Variants in NANP observed in about 807,000 individuals in gnomAD.
The protein encoded by NANP is N-acetylneuraminic acid phosphatase.
NANP carries 15 observed loss-of-function variants against 16.9 expected under a neutral mutation model. That is an observed-to-expected ratio of 0.89 (90% confidence interval 0.59 to 1.37). The LOEUF is 1.37. NANP is among the 40% of genes most tolerant of loss of function. The pLI is 0.00. For missense variants in NANP, 290 were observed against 303.5 expected (o/e 0.96, Z 0.33); for synonymous variants, 135 against 112.6 (o/e 1.20, Z -1.26).
Position 25,623,913 on chromosome 20 carries a change from G to A in NANP, c.36C>T (p.Asp12=), listed in dbSNP as rs139172687. ...CCGTGTCGATGAGAGTGTTGTCCAAGTCAAAGAAAACCGCCCGCACGCGGC... is the reference window on the plus strand; with the variant it reads ...CCGTGTCGATGAGAGTGTTGTCCAAATCAAAGAAAACCGCCCGCACGCGGC... The part of the protein sequence containing the change: ...GLSRVRAVFF[D]LDNTLIDTAG... The change falls in exon 1 of 2, where the codon GAC becomes GAT. Residue 12 remains aspartate (D), a synonymous_variant. Coordinates refer to ENST00000304788, the MANE Select transcript of NANP (RefSeq NM_152667.3). The A allele has an allele frequency of 2.0e-5, 32 of 1,613,448 alleles. No individual in the cohort carries two copies. In the Middle Eastern group the frequency reaches 2.5e-3, roughly 124 times the overall value.
intron 1 of NANP, among the ~76,000 whole-genome samples, chr20:25,618,162 G>A (rs1026518070): frequency 8.4e-5 from 11 of 130,952 alleles, no homozygotes; most frequent in Admixed American, 8.9e-5. Flanking sequence ...TTATCTGGTG[G>A]GGAATATAAT....
In NANP at chr20:25,613,194, T is replaced by C. The variant is rs996029201; in HGVS notation, c.*2731A>G. ...ATATAGTTACAGTGTTATCTAACAC[T>C]ATAAATGTGTTAAAGAGGTTATGAT... On this transcript the variant is annotated 3_prime_UTR_variant, in exon 2 of 2. Coordinates refer to ENST00000304788, the MANE Select transcript of NANP (RefSeq NM_152667.3). The C allele has an allele frequency of 9.2e-5, 14 of 152,252 alleles. No individual in the cohort carries two copies. The highest frequency in any genetic ancestry group is 2.4e-4 in the African/African-American group (10 of 41,564). The allele number at this position is 152,252 out of a possible 1,614,324, so 9.4% of individuals were successfully genotyped here.
rs558987626 is a variant in NANP at position 25,613,885 on chromosome 20, T to C, written c.*2040A>G. 63 of 398,536 alleles carry C rather than the reference T, an allele frequency of 1.6e-4. No homozygotes were observed. The highest frequency in any genetic ancestry group is 8.4e-4 in the African/African-American group (41 of 48,740). 24.7% of individuals were successfully genotyped at this position (398,536 alleles called of 1,614,324 possible). On this transcript the variant is annotated 3_prime_UTR_variant, in exon 2 of 2. Transcript: ENST00000304788. ...ATGAATGTGACACTGCCTACATCCA[T>C]CCTGTGGGAGAGTTAAAAGGACAAG... is the stretch of plus-strand genomic sequence containing the variant.
chr20:25,617,022 A>G (rs1355360066), intron 1 of NANP, among the ~76,000 whole-genome samples: 1 of 152,194 alleles, frequency 6.6e-6, no homozygotes, highest in Non-Finnish European at 1.5e-5. Flanking sequence ...CCCCATCTTA[A>G]AAACAAAACA....
In NANP at chr20:25,624,002, CA is replaced by C; in HGVS notation, c.-55del. On this transcript the variant is annotated 5_prime_UTR_variant, in exon 1 of 2. Transcript: ENST00000304788. ...CTTGCCACCGCCGCCTGCGCATGCG[CA>C]AGGCGGACTGCCCAGAGAGACGTGG... 1 of 1,566,716 alleles carries C rather than the reference CA, an allele frequency of 6.4e-7. No homozygotes were observed. The highest frequency in any genetic ancestry group is 8.7e-7 in the Non-Finnish European group (1 of 1,144,876).
chr20:25,613,452 G>A lies in NANP; in HGVS notation c.*2473C>T, dbSNP rs75205692. The A allele has an allele frequency of 0.014, 2,243 of 165,472 alleles. 47 individuals carry two copies. Among genetic ancestry groups the A allele is most frequent in the African/African-American group, 0.05 (2,128 of 42,164 alleles). 10.3% of individuals were successfully genotyped at this position (165,472 alleles called of 1,614,324 possible). A position where few individuals can be genotyped will look rare whatever the true frequency, so the allele number is the denominator to read the frequency against. The stretch of plus-strand genomic sequence containing the variant: ...GTCTGTTCTAGGCCCACCTCTGTAA[G>A]CAGTGTTAGGGAGGGCCTCTGGCTT... On this transcript the variant is annotated 3_prime_UTR_variant, in exon 2 of 2. Transcript: ENST00000304788.
Position 25,615,887 on chromosome 20 carries a change from T to A in NANP, c.*38A>T. 1 of 1,539,266 alleles carries A rather than the reference T, an allele frequency of 6.5e-7. No homozygotes were observed. Among genetic ancestry groups the A allele is most frequent in the South Asian group, 1.3e-5 (1 of 78,814 alleles). ...CTTTTCTTATTTCATACTCAGCAAA[T>A]TGATTCTAACATTCATAATCATGCC... On this transcript the variant is annotated 3_prime_UTR_variant, in exon 2 of 2. Transcript: ENST00000304788.
rs2065339791 is a variant in NANP, at chr20:25,615,618, GA to G, written c.*306del. 4.2e-6 allele frequency: 1 copy of G among 236,750 alleles called. No individual in the cohort carries two copies. The highest frequency in any genetic ancestry group is 8.1e-6 in the Non-Finnish European group (1 of 123,934). The allele number at this position is 236,750 out of a possible 1,614,324, so 14.7% of individuals were successfully genotyped here. The stretch of plus-strand genomic sequence containing the variant: ...GCATTATGCAGCCAAGATACTAAAA[GA>G]TTAATAACATAATTTTAAAAAGCTC... On this transcript the variant is annotated 3_prime_UTR_variant, in exon 2 of 2. Transcript: ENST00000304788.
At chr20:25,621,995 T>C (rs1408338306) in intron 1 of NANP, among the ~76,000 whole-genome samples, 2 of 152,252 alleles carry the variant, frequency 1.3e-5, no homozygotes, top group South Asian at 2.1e-4. Context: ...AGACAGCTTG[T>C]TCCCTCCCAA....
intron 1 of NANP, among the ~76,000 whole-genome samples, chr20:25,622,347 TGGGCTTCCCAAGTATTACA>T (rs1405138774): frequency 1.3e-5 from 2 of 152,196 alleles, no homozygotes; most frequent in East Asian, 3.9e-4. Context: ...ACTGCAACCA[TGGGCTTCCCAAGTATTACA>T]GGGTTATTGA....
rs2065332204 is a variant in NANP, at chr20:25,614,071, G to A, written c.*1854C>T. The A allele has an allele frequency of 5.3e-6, 2 of 380,702 alleles. No homozygotes were observed. The allele number at this position is 380,702 out of a possible 1,614,324, so 23.6% of individuals were successfully genotyped here. On this transcript the variant is annotated 3_prime_UTR_variant, in exon 2 of 2. Transcript: ENST00000304788. ...CATCCTCTGTTCACAAATGTTCACT[G>A]TTATAGCAACAGCACTTTGGTACAG...
At chr20:25,617,021 A>C (rs1298226051) in intron 1 of NANP, among the ~76,000 whole-genome samples, 2 of 152,188 alleles carry the variant, frequency 1.3e-5, no homozygotes, top group East Asian at 3.9e-4. Flanking sequence ...ACCCCATCTT[A>C]AAAACAAAAC....
intron 1 of NANP, among the ~76,000 whole-genome samples, chr20:25,619,507 A>G (rs1030089578): frequency 1.3e-5 from 2 of 152,238 alleles, no homozygotes; most frequent in Non-Finnish European, 2.9e-5. Context: ...AATTAAAGAA[A>G]AAAGAAAAGA....
intron 1 of NANP, among the ~76,000 whole-genome samples, chr20:25,621,410 A>G (rs905432741): frequency 3.3e-5 from 5 of 152,214 alleles, no homozygotes; most frequent in African/African-American, 1.2e-4. Context: ...ATTACCATGA[A>G]AAACAGGTCT....
At chr20:25,617,832 T>C (rs1381683980) in intron 1 of NANP, among the ~76,000 whole-genome samples, 9 of 152,190 alleles carry the variant, frequency 5.9e-5, no homozygotes, top group Non-Finnish European at 1.3e-4. Context: ...TCTGTACTTT[T>C]GAGTTAAATA....
At chr20:25,621,465 T>C (rs1053978552) in intron 1 of NANP, among the ~76,000 whole-genome samples, 2 of 152,120 alleles carry the variant, frequency 1.3e-5, no homozygotes, top group African/African-American at 4.8e-5. Context: ...TTAGAAAAAA[T>C]TAAAGTTGAT....
intron 1 of NANP, among the ~76,000 whole-genome samples, chr20:25,617,752 A>G (rs953126469): frequency 6.6e-6 from 1 of 152,112 alleles, no homozygotes; most frequent in Admixed American, 6.6e-5. Context: ...CTTGACCCCA[A>G]GTGATCTTCC....
At chr20:25,621,656 G>A (rs1402653083) in intron 1 of NANP, among the ~76,000 whole-genome samples, 1 of 152,200 alleles carries the variant, frequency 6.6e-6, no homozygotes, top group Non-Finnish European at 1.5e-5. Flanking sequence ...CCGGGTTCAC[G>A]CCATTCTCCT....
intron 1 of NANP, among the ~76,000 whole-genome samples, chr20:25,618,797 C>A (rs1467608533): frequency 6.6e-6 from 1 of 152,122 alleles, no homozygotes; most frequent in East Asian, 1.9e-4. Context: ...ACAGCAGTAA[C>A]CTGGTCATTA....
Sources: allele counts gnomAD v4.1 joint callset (sites outside exome capture counted in the v4.1 genomes callset), GRCh38; gene constraint gnomAD v4.1.1; transcripts MANE v1.5; gene names NCBI Gene and HGNC (gene_info 2026-07-23, HGNC 2026-07-21).